Variants in SPAG17 observed in about 807,000 individuals in gnomAD.
The protein encoded by SPAG17 is sperm associated antigen 17.
In SPAG17, 169 loss-of-function variants were observed where a neutral mutation model predicts 273.6. The ratio of observed to expected loss-of-function variants is 0.62; its 90% CI spans 0.55 to 0.70. SPAG17 has a LOEUF of 0.70. Among genes scored for constraint, SPAG17 ranks in the 30% least tolerant of loss-of-function variants. SPAG17 has a pLI of 0.00. For missense variants in SPAG17, 2,557 were observed against 2,627.8 expected (o/e 0.97, Z 0.59); for synonymous variants, 825 against 873.2 (o/e 0.94, Z 0.97).
intron 34 of SPAG17, 129 bp downstream of exon 34, chr1:117,996,240 AC>A (rs1199808173): frequency 4.8e-5 from 51 of 1,071,916 alleles, no homozygotes; most frequent in Non-Finnish European, 6.4e-5. Flanking sequence ...TTTCTGCTCT[AC>A]TTTCCAAAGT....
Position 118,031,692 on chromosome 1 carries a change from CT to C in SPAG17, c.3608del (p.Lys1203ArgfsTer5). 2 of 1,612,218 alleles carry C rather than the reference CT, an allele frequency of 1.2e-6. No individual in the cohort carries two copies. Among genetic ancestry groups the C allele is most frequent in the South Asian group, 2.2e-5 (2 of 90,862 alleles). ...GGAATCTATGGCAAGGTTCATTTAC[CT>C]TTTTCTCTTCTTCTTTTGGGTGTTC... ...EEEHPKEEEK[K>X]EEEVEPEPVL... On this transcript the variant is annotated frameshift_variant and splice_region_variant, in exon 25 of 49. Transcript: ENST00000336338. LOFTEE classifies it high-confidence loss of function.
chr1:118,161,862 AG>A (rs1032729625), intron 1 of SPAG17, among the ~76,000 whole-genome samples: 1 of 152,162 alleles, frequency 6.6e-6, no homozygotes, highest in Non-Finnish European at 1.5e-5. Context: ...GAGGCAAACA[AG>A]AAGGACAGGT....
chr1:117,957,292 G>A, intron 48 of SPAG17: 1 of 1,425,362 alleles, frequency 7.0e-7, no homozygotes. Context: ...TTAAGAAATA[G>A]TATGCCGAAC....
intron 18 of SPAG17, among the ~76,000 whole-genome samples, chr1:118,061,644 T>C (rs914195624): frequency 5.9e-5 from 9 of 152,178 alleles, no homozygotes; most frequent in Non-Finnish European, 1.3e-4. Context: ...AAAACCACAA[T>C]GCAAATGGAC....
chr1:118,128,054 G>A (rs1205955630), intron 3 of SPAG17, among the ~76,000 whole-genome samples: 1 of 151,962 alleles, frequency 6.6e-6, no homozygotes, highest in Admixed American at 6.5e-5. Context: ...TCCCGGAGGC[G>A]GATGTTGCAG....
chr1:117,979,292 T>G (rs1293023502), intron 43 of SPAG17, among the ~76,000 whole-genome samples: 1 of 152,214 alleles, frequency 6.6e-6, no homozygotes, highest in Non-Finnish European at 1.5e-5. Flanking sequence ...GCACCACTTG[T>G]GAACTCATCA....
At chr1:118,025,064 T>C (rs924157584) in intron 27 of SPAG17, among the ~76,000 whole-genome samples, 174 bp downstream of exon 27, 16 of 152,246 alleles carry the variant, frequency 1.1e-4, no homozygotes, top group Non-Finnish European at 1.5e-4. Context: ...TGTATCCTGC[T>C]CTGCATATAG....
rs1557850770 is a variant in SPAG17 at position 117,972,063 on chromosome 1, AAATT to A, written c.6142-20_6142-17del. ...AATCTTGCACCTTTGCATTAAGAAAAAATTAATAAAATGGTTCTATTTTGAGTTC... is the reference window on the plus strand; with the variant it reads ...AATCTTGCACCTTTGCATTAAGAAAAAATAAAATGGTTCTATTTTGAGTTC... On this transcript the variant is annotated splice_polypyrimidine_tract_variant and intron_variant, in intron 44 of 48. Coordinates refer to ENST00000336338, the MANE Select transcript of SPAG17 (RefSeq NM_206996.4). 1.3e-6 allele frequency: 2 copies of A among 1,586,742 alleles called. No individual in the cohort carries two copies. The highest frequency in any genetic ancestry group is 1.7e-6 in the Non-Finnish European group (2 of 1,168,608).
chr1:118,140,008 G>C (rs1359948572), intron 3 of SPAG17, among the ~76,000 whole-genome samples: 1 of 152,118 alleles, frequency 6.6e-6, no homozygotes, highest in Non-Finnish European at 1.5e-5. Flanking sequence ...AGGGACCTGA[G>C]CTGGCATATT....
rs1194483469 is a variant in SPAG17, at chr1:118,140,461, A to AT, written c.315+10081dup. Among the ~76,000 whole-genome samples the AT allele has an allele frequency of 2.0e-5, 3 of 152,308 alleles. No individual in the cohort carries two copies. The East Asian group carries it at 5.8e-4, about 29-fold the overall frequency. ...TATAACACCACTTTTTACCCCATAA[A>AT]TGTATTCAATTATAAATGTCAATTT... On this transcript the variant is annotated intron_variant, in intron 3 of 48. Coordinates refer to ENST00000336338, the MANE Select transcript of SPAG17 (RefSeq NM_206996.4).
chr1:118,097,720 T>G lies in SPAG17; in HGVS notation c.961A>C (p.Met321Leu). ...GAAGGAAAATCAGCTGCTTTGACCA[T>G]GTACTCAAGTCGAGCAACATCAAAG... ...NLFDVARLEY[M>L]VKAADFPSDW... is the part of the protein sequence containing the mutation. The change falls in exon 7 of 49, where the codon ATG becomes CTG. Residue 321 changes from methionine (M) to leucine (L), a missense_variant. Physicochemically the swap from Met to Leu is conservative, Grantham distance 15. Transcript: ENST00000336338. 4 of 1,610,662 alleles carry G rather than the reference T, an allele frequency of 2.5e-6. No homozygotes were observed. The highest frequency in any genetic ancestry group is 4.5e-5 in the East Asian group (2 of 44,612).
chr1:117,970,087 G>A lies in SPAG17; in HGVS notation c.6356C>T (p.Thr2119Ile), dbSNP rs1257719797. The change falls in exon 46 of 49, where the codon ACA becomes ATA. Residue 2119 changes from threonine (T) to isoleucine (I), a missense_variant. Transcript: ENST00000336338. Reference protein sequence around the residue: ...RFKVKQPPPSTGLKVTYKPGP... With the variant: ...RFKVKQPPPSIGLKVTYKPGP... Reference sequence around the variant, plus strand: ...AGGTTTGTAAGTCACTTTCAGTCCTGTGCTGGGTGGGGGCTGCTTTACTTT... The same window carrying A: ...AGGTTTGTAAGTCACTTTCAGTCCTATGCTGGGTGGGGGCTGCTTTACTTT... The A allele has an allele frequency of 6.2e-7, 1 of 1,613,486 alleles. No homozygotes were observed. The highest frequency in any genetic ancestry group is 2.2e-5 in the East Asian group (1 of 44,866).
chr1:118,095,250 G>GCCATTGTATA (rs1655632330), intron 7 of SPAG17, among the ~76,000 whole-genome samples: 1 of 152,178 alleles, frequency 6.6e-6, no homozygotes, highest in African/African-American at 2.4e-5. Context: ...CTTTGAAGTT[G>GCCATTGTATA]CCATTGTATA....
chr1:118,170,279 T>C (rs1344294532), intron 1 of SPAG17, among the ~76,000 whole-genome samples: 1 of 152,200 alleles, frequency 6.6e-6, no homozygotes, highest in Non-Finnish European at 1.5e-5. Context: ...GCAGCTCATG[T>C]TCTATTAATA....
chr1:118,093,198 C>G lies in SPAG17; in HGVS notation c.1131G>C (p.Val377=). 1 of 1,613,560 alleles carries G rather than the reference C, an allele frequency of 6.2e-7. No homozygotes were observed. Among genetic ancestry groups the G allele is most frequent in the Non-Finnish European group, 8.5e-7 (1 of 1,179,694 alleles). Residue 377 remains valine, a synonymous_variant, in exon 8 of 49, where the codon GTG becomes GTC. Transcript: ENST00000336338. ...CTTCTAATACAGGTTTCTCATTAACCACTTGTGGAACATTAATAAGCTGCA... is the reference window on the plus strand; with the variant it reads ...CTTCTAATACAGGTTTCTCATTAACGACTTGTGGAACATTAATAAGCTGCA... ...ESMQLINVPQ[V]VNEKPVLEAM... is the part of the protein sequence containing the mutation.
chr1:118,027,541 A>G (rs1192782005), intron 26 of SPAG17, among the ~76,000 whole-genome samples: 1 of 152,204 alleles, frequency 6.6e-6, no homozygotes. Context: ...CTTAAAAGGG[A>G]CACATCATTC....
At chr1:118,036,625 C>CAT (rs397981471) in intron 24 of SPAG17, 145 bp downstream of exon 24, 1 of 608,306 alleles carries the variant, frequency 1.6e-6, no homozygotes, top group East Asian at 2.8e-5. Flanking sequence ...CACACACACA[C>CAT]CTCTTCTATT....
rs1339545659 is a variant in SPAG17 at position 117,996,362 on chromosome 1, T to A, written c.5053+8A>T. 6.2e-7 allele frequency: 1 copy of A among 1,609,912 alleles called. No homozygotes were observed. Among genetic ancestry groups the A allele is most frequent in the Non-Finnish European group, 8.5e-7 (1 of 1,177,876 alleles). On this transcript the variant is annotated splice_region_variant and intron_variant, in intron 34 of 48. Coordinates refer to ENST00000336338, the MANE Select transcript of SPAG17 (RefSeq NM_206996.4). ...CACCGTGCATTCCAGACAGTATGGGTCCTCTACCTGGCTGTTCCTGCACTG... is the reference window on the plus strand; with the variant it reads ...CACCGTGCATTCCAGACAGTATGGGACCTCTACCTGGCTGTTCCTGCACTG...
At chr1:118,157,586 CT>C (rs1027730174) in intron 1 of SPAG17, among the ~76,000 whole-genome samples, 5 of 152,166 alleles carry the variant, frequency 3.3e-5, no homozygotes, top group African/African-American at 9.7e-5. Context: ...TAAGCACCCC[CT>C]GCCAACAAAT....
Sources: gnomAD v4.1 joint callset for allele counts (sites outside exome capture counted in the v4.1 genomes callset) on GRCh38, gnomAD v4.1.1 for gene constraint, MANE v1.5 for transcripts, NCBI Gene and HGNC (gene_info 2026-07-23, HGNC 2026-07-21) for gene names.